The following USF2 variants were observed in gnomAD, a reference collection of about 807,000 sequenced individuals.
USF2 encodes the protein upstream transcription factor 2, c-fos interacting, also known as upstream stimulatory factor 2.
A neutral mutation model predicts 46.9 loss-of-function variants in USF2; 16 were observed. That is an observed-to-expected ratio of 0.34 (90% CI 0.23 to 0.52). The LOEUF is 0.52. Among genes scored for constraint, USF2 ranks in the 20% least tolerant of loss-of-function variants. The probability of loss-of-function intolerance (pLI) is 0.96; values close to 1 mark genes in which losing one functional copy is unlikely to be tolerated. For missense variants in USF2, 411 were observed against 474.0 expected (o/e 0.87, Z 1.23); for synonymous variants, 239 against 194.1 (o/e 1.23, Z -1.92).
intron 7 of USF2, chr19:35,278,244 G>A (rs2145585499): frequency 6.0e-6 from 1 of 165,334 alleles, no homozygotes; most frequent in Admixed American, 5.9e-5. Context: ...GCAGTGCAGG[G>A]GCCGCAGGAG....
At position 35,269,826 on chromosome 19, in the gene USF2, G is replaced by T; in HGVS notation, c.252G>T (p.Val84=). 1 of 1,465,478 alleles carries T rather than the reference G, an allele frequency of 6.8e-7. No homozygotes were observed. Among genetic ancestry groups the T allele is most frequent in the South Asian group, 1.4e-5 (1 of 72,604 alleles). The allele number at this position is 1,465,478 out of a possible 1,614,324, so 90.8% of individuals were successfully genotyped here. A position where few individuals can be genotyped will look rare whatever the true frequency, so the allele number is the denominator to read the frequency against. The change falls in exon 4 of 10, where the codon GTG becomes GTT. Residue 84 remains valine, a synonymous_variant. Coordinates refer to ENST00000222305, the MANE Select transcript of USF2 (RefSeq NM_003367.4). ...AGGTGACATACCGCGTAGTCCAGGT[G>T]ACTGATGGTCAGCTGGACGGCCAGG... ...GGQVTYRVVQ[V]TDGQLDGQGD...
In USF2 at chr19:35,269,615, G is replaced by C. The variant is rs1431730294; in HGVS notation, c.144G>C (p.Ala48=). Residue 48 remains alanine, a synonymous_variant, in exon 3 of 10, where the codon GCG becomes GCC. Transcript: ENST00000222305. ...GDGPGAEEQT[A]VAITSVQQAA... is the part of the protein sequence containing the mutation. Reference sequence around the variant, plus strand: ...GCCCAGGAGCGGAGGAGCAGACAGCGGTGGCCATCACCAGCGTCCAGCAGG... The same window carrying C: ...GCCCAGGAGCGGAGGAGCAGACAGCCGTGGCCATCACCAGCGTCCAGCAGG... 2 of 1,596,818 alleles carry C rather than the reference G, an allele frequency of 1.3e-6. No individual in the cohort carries two copies. The highest frequency in any genetic ancestry group is 1.7e-6 in the Non-Finnish European group (2 of 1,172,678).
intron 7 of USF2, among the ~76,000 whole-genome samples, chr19:35,274,092 C>T (rs977217122): frequency 3.3e-5 from 5 of 152,248 alleles, no homozygotes; most frequent in East Asian, 1.9e-4. Flanking sequence ...CATCCATTCC[C>T]TTCCTTTCAC....
Position 35,272,280 on chromosome 19 carries a change from A to G in USF2, c.727+1139A>G, listed in dbSNP as rs553423157. ...TGGGAGTCACACAGCCGCATCAGGC[A>G]GTGCAGGCAGTCACAGGCAGGAGAG... On this transcript the variant is annotated intron_variant, in intron 7 of 9. Transcript: ENST00000222305. 1.3e-3 allele frequency among the ~76,000 whole-genome samples: 204 copies of G among 152,284 alleles called. 2 individuals carry two copies. In the Middle Eastern group the frequency reaches 0.014, roughly 10 times the overall value.
At chr19:35,275,095 C>T (rs1308963713) in intron 7 of USF2, 2 of 152,266 alleles carry the variant, frequency 1.3e-5, no homozygotes, top group Non-Finnish European at 2.9e-5. Context: ...GAATCTCGCT[C>T]TGTCACAGTG....
At position 35,271,046 on chromosome 19, in the gene USF2, A is replaced by G. The variant is rs2066147481; in HGVS notation, c.669-37A>G. On this transcript the variant is annotated intron_variant, in intron 6 of 9. Coordinates refer to ENST00000222305, the MANE Select transcript of USF2 (RefSeq NM_003367.4). The stretch of plus-strand genomic sequence containing the variant: ...AGATGCTTGGGCAAACAGCTCTGCG[A>G]TAATACATGCCCCCTTTTTTTTTCC... 1.9e-6 allele frequency: 3 copies of G among 1,612,340 alleles called. No individual in the cohort carries two copies. The African/African-American group carries it at 4.0e-5, about 22-fold the overall frequency.
At chr19:35,270,196 C>T (rs1348342222) in intron 4 of USF2, 193 bp downstream of exon 4, 1 of 900,164 alleles carries the variant, frequency 1.1e-6, no homozygotes, top group South Asian at 2.1e-5. Flanking sequence ...TTTTTTTTTC[C>T]CGCAAAATGG....
chr19:35,276,702 C>T (rs899124261), intron 7 of USF2, among the ~76,000 whole-genome samples: 13 of 152,196 alleles, frequency 8.5e-5, no homozygotes, highest in Non-Finnish European at 1.3e-4. Flanking sequence ...TCTCAGAAAC[C>T]AGCCCGAATG....
intron 7 of USF2, chr19:35,277,041 G>C (rs1019073504): frequency 2.0e-5 from 3 of 152,310 alleles, no homozygotes; most frequent in African/African-American, 7.2e-5. Flanking sequence ...AAACGAGGCC[G>C]CCTGCCGAGT....
chr19:35,273,100 C>A (rs1445053534), intron 7 of USF2, among the ~76,000 whole-genome samples: 1 of 152,068 alleles, frequency 6.6e-6, no homozygotes, highest in Non-Finnish European at 1.5e-5. Context: ...CTCCAGGCAG[C>A]CTTGAAACTT....
chr19:35,278,672 C>G (rs377417485), intron 7 of USF2, 26 bp from the exon 8 acceptor site: 104 of 1,612,632 alleles, frequency 6.4e-5, no homozygotes, highest in South Asian at 1.1e-4. Context: ...TCAGCGAAGC[C>G]GTGGCTGTGA....
chr19:35,271,753 ACAAC>A, intron 7 of USF2, among the ~76,000 whole-genome samples: 1 of 152,300 alleles, frequency 6.6e-6, no homozygotes, highest in Non-Finnish European at 1.5e-5. Context: ...TTACACCCAA[ACAAC>A]CATCATTCAA....
chr19:35,270,299 T>G, intron 4 of USF2, 148 bp from the exon 5 acceptor site: 1 of 1,252,864 alleles, frequency 8.0e-7, no homozygotes, highest in Non-Finnish European at 1.1e-6. Flanking sequence ...CCAGGGCTGT[T>G]TGAAACACAG....
rs752209084 is a variant in USF2 at position 35,270,784 on chromosome 19, C to G, written c.647C>G (p.Pro216Arg). The G allele has an allele frequency of 1.2e-6, 2 of 1,614,074 alleles. No individual in the cohort carries two copies. The highest frequency in any genetic ancestry group is 1.7e-6 in the Non-Finnish European group (2 of 1,180,014). Residue 216 changes from proline (P) to arginine (R), a missense_variant, in exon 6 of 10, where the codon CCC becomes CGC. Physicochemically the swap from Pro to Arg is moderately radical, Grantham distance 103. Transcript: ENST00000222305. ...ACAGGAACACAGAGGACGATCGCCC[C>G]CCGGACACACCCTTACTCTCCGTAT... Reference protein sequence around the residue: ...LQTGTQRTIAPRTHPYSPKID... With the variant: ...LQTGTQRTIARRTHPYSPKID...
chr19:35,273,490 T>C (rs780100772), intron 7 of USF2, among the ~76,000 whole-genome samples: 3 of 152,222 alleles, frequency 2.0e-5, no homozygotes, highest in Admixed American at 6.5e-5. Flanking sequence ...CCGGGGAATC[T>C]GTGTTTTCCA....
chr19:35,270,786 C>T lies in USF2; in HGVS notation c.649C>T (p.Arg217Trp), dbSNP rs201560339. 5.0e-6 allele frequency: 8 copies of T among 1,613,972 alleles called. No individual in the cohort carries two copies. The highest frequency in any genetic ancestry group is 2.7e-5 in the African/African-American group (2 of 74,884). The stretch of plus-strand genomic sequence containing the variant: ...AGGAACACAGAGGACGATCGCCCCC[C>T]GGACACACCCTTACTCTCCGTATGT... ...QTGTQRTIAP[R>W]THPYSPKIDG... is the part of the protein sequence containing the mutation. The change falls in exon 6 of 10, where the codon CGG (arginine) becomes TGG (tryptophan). Residue 217 changes from arginine to tryptophan, a missense_variant. Coordinates refer to ENST00000222305, the MANE Select transcript of USF2 (RefSeq NM_003367.4).
rs759288832 is a variant in USF2, at chr19:35,279,257, C to G, written c.*1C>G. On this transcript the variant is annotated 3_prime_UTR_variant, in exon 10 of 10. Coordinates refer to ENST00000222305, the MANE Select transcript of USF2 (RefSeq NM_003367.4). ...GGTGGGCGAGGGCACCCGGCAGTGA[C>G]GCCCGCCACCACCACGCAGCCGCCG... The G allele has an allele frequency of 2.0e-6, 3 of 1,516,784 alleles. No homozygotes were observed. Among genetic ancestry groups the G allele is most frequent in the Non-Finnish European group, 2.7e-6 (3 of 1,131,464 alleles). 94.0% of individuals were successfully genotyped at this position (1,516,784 alleles called of 1,614,324 possible).
intron 7 of USF2, among the ~76,000 whole-genome samples, chr19:35,276,541 A>T (rs2066236014): frequency 6.6e-6 from 1 of 152,038 alleles, no homozygotes; most frequent in Admixed American, 6.6e-5. Flanking sequence ...GGGACTCTGG[A>T]GGAGGAGGAG....
intron 2 of USF2, 26 bp from the exon 3 acceptor site, chr19:35,269,555 C>G: frequency 1.3e-6 from 2 of 1,565,192 alleles, no homozygotes; most frequent in Non-Finnish European, 8.6e-7. Flanking sequence ...CGGCCCTGAC[C>G]GTGCCCCGAC....
Sources: gnomAD v4.1 joint callset for allele counts (sites outside exome capture counted in the v4.1 genomes callset) on GRCh38, gnomAD v4.1.1 for gene constraint, MANE v1.5 for transcripts, NCBI Gene and HGNC (gene_info 2026-07-23, HGNC 2026-07-21) for gene names.